The following USP8 variants were observed in gnomAD, a reference collection of about 807,000 sequenced individuals.
USP8 encodes ubiquitin specific peptidase 8, also known as ubiquitin carboxyl-terminal hydrolase 8.
In USP8, 27 loss-of-function variants were observed where a neutral mutation model predicts 130.0. The observed-to-expected ratio is 0.21, with a 90% CI of 0.15 to 0.29. The LOEUF (loss-of-function observed/expected upper bound fraction) is 0.29. USP8 is among the 10% of genes least tolerant of loss of function. The probability of loss-of-function intolerance (pLI) is 1.00; values close to 1 mark genes in which losing one functional copy is unlikely to be tolerated. For synonymous variants in USP8, 392 were observed against 444.1 expected (o/e 0.88, Z 1.48); for missense variants, 1,029 against 1,312.2 (o/e 0.78, Z 3.33).
chr15:50,458,394 G>T (rs1052838181), intron 4 of USP8: 2 of 152,808 alleles, frequency 1.3e-5, no homozygotes, highest in Non-Finnish European at 2.9e-5. Context: ...CACATGATCC[G>T]CCTGCCTTGG....
At chr15:50,487,013 A>T (rs1161634603) in intron 12 of USP8, among the ~76,000 whole-genome samples, 1 of 151,956 alleles carries the variant, frequency 6.6e-6, no homozygotes, top group Admixed American at 6.6e-5. Context: ...AGTCCCAGCT[A>T]CTTGGGAGGC....
chr15:50,494,775 G>A (rs940576125), intron 16 of USP8, among the ~76,000 whole-genome samples: 4 of 152,134 alleles, frequency 2.6e-5, no homozygotes, highest in East Asian at 3.9e-4. Flanking sequence ...AGTACTTTGG[G>A]AGGCCAAGGC....
intron 5 of USP8, among the ~76,000 whole-genome samples, chr15:50,459,660 A>G (rs2050916591): frequency 6.6e-6 from 1 of 152,214 alleles, no homozygotes; most frequent in East Asian, 1.9e-4. Context: ...TTTCTATGGC[A>G]ATATTTTCTC....
At chr15:50,446,919 C>T (rs1567608032) in intron 3 of USP8, among the ~76,000 whole-genome samples, 1 of 152,196 alleles carries the variant, frequency 6.6e-6, no homozygotes. Flanking sequence ...GCGTGAGCCA[C>T]CTGGCCTGGC....
At chr15:50,461,141 C>T (rs942430041) in intron 5 of USP8, among the ~76,000 whole-genome samples, 3 of 152,058 alleles carry the variant, frequency 2.0e-5, no homozygotes, top group African/African-American at 4.8e-5. Flanking sequence ...TATAGGAATG[C>T]ACCACCACGC....
intron 1 of USP8, among the ~76,000 whole-genome samples, chr15:50,430,107 A>C (rs1329104301): frequency 6.6e-6 from 1 of 152,184 alleles, no homozygotes; most frequent in East Asian, 1.9e-4. Context: ...CAGAAACTTT[A>C]TTAAGAGTTG....
At chr15:50,440,964 G>C (rs919661764) in intron 2 of USP8, among the ~76,000 whole-genome samples, 4 of 150,792 alleles carry the variant, frequency 2.7e-5, no homozygotes, top group South Asian at 4.2e-4. Context: ...ATAGCCCATT[G>C]CACTCCAGCC....
rs1228254510 is a variant in USP8 at position 50,506,021 on chromosome 15, T to C, written c.*6933T>C. The stretch of plus-strand genomic sequence containing the variant: ...CAGAATTACAGTGTTCTAAGAGCTT[T>C]CCATTTCTTTGGGAGCAGAGTATAA... On this transcript the variant is annotated 3_prime_UTR_variant, in exon 20 of 20. Coordinates refer to ENST00000307179, the MANE Select transcript of USP8 (RefSeq NM_005154.5). 2 of 152,236 alleles carry C rather than the reference T, an allele frequency of 1.3e-5. No individual in the cohort carries two copies. The highest frequency in any genetic ancestry group is 2.4e-5 in the African/African-American group (1 of 41,460). The allele number at this position is 152,236 out of a possible 1,614,324, so 9.4% of individuals were successfully genotyped here.
At chr15:50,447,730 T>C (rs1456754434) in intron 3 of USP8, among the ~76,000 whole-genome samples, 4 of 145,388 alleles carry the variant, frequency 2.8e-5, no homozygotes, top group Non-Finnish European at 4.5e-5. Context: ...GCCTGGCTAA[T>C]TTTTGCATTT....
rs922548336 is a variant in USP8 at position 50,475,899 on chromosome 15, G to A, written c.850-950G>A. Among the ~76,000 whole-genome samples, 11 of 151,848 alleles carry A rather than the reference G, an allele frequency of 7.2e-5. 1 individual carries two copies. Among genetic ancestry groups the A allele is most frequent in the Admixed American group, 3.9e-4 (6 of 15,192 alleles). ...ATTACAGGCATGAGCCACCGTGCCC[G>A]ACCAATATATTTATATATATTTTTA... On this transcript the variant is annotated intron_variant, in intron 8 of 19. Coordinates refer to ENST00000307179, the MANE Select transcript of USP8 (RefSeq NM_005154.5).
intron 18 of USP8, chr15:50,498,336 G>C (rs1566894969): frequency 9.4e-6 from 3 of 319,586 alleles, no homozygotes; most frequent in Non-Finnish European, 1.7e-5. Context: ...GTTGTAGCTG[G>C]ACCAGAGTAT....
chr15:50,481,487 C>T lies in USP8; in HGVS notation c.1225C>T (p.Arg409Cys), dbSNP rs745776500. The T allele has an allele frequency of 4.4e-6, 7 of 1,581,890 alleles. No individual in the cohort carries two copies. In the East Asian group the frequency reaches 6.7e-5, roughly 15 times the overall value. Residue 409 changes from arginine to cysteine, a missense_variant, in exon 11 of 20, where the codon CGT becomes TGT. Arg to Cys is a radical substitution (Grantham distance 180). Transcript: ENST00000307179. Reference sequence around the variant, plus strand: ...TCTGGTTTTGTTGCTCTAGATTGATCGTACTAAAAAACCAGCAGTCAAATT... The same window carrying T: ...TCTGGTTTTGTTGCTCTAGATTGATTGTACTAAAAAACCAGCAGTCAAATT... ...PSIKNVPQID[R>C]TKKPAVKLPE... is the part of the protein sequence containing the mutation.
Position 50,426,263 on chromosome 15 carries a change from G to A in USP8, c.-66+1749G>A, listed in dbSNP as rs143533805. On this transcript the variant is annotated intron_variant, in intron 1 of 19. Coordinates refer to ENST00000307179, the MANE Select transcript of USP8 (RefSeq NM_005154.5). ...ATTACGAACTTTTCTCCATGAAAAT[G>A]CACTCATATTTATGGAAGTGAAAGG... Among the ~76,000 whole-genome samples the A allele has an allele frequency of 5.6e-4, 85 of 152,240 alleles. No individual in the cohort carries two copies. The East Asian group carries it at 0.012, about 21-fold the overall frequency.
At chr15:50,498,174 A>G (rs2052487562) in intron 18 of USP8, 1 of 155,682 alleles carries the variant, frequency 6.4e-6, no homozygotes, top group Non-Finnish European at 1.4e-5. Flanking sequence ...AATGAATGAC[A>G]TTATTTTAGT....
chr15:50,462,690 C>T (rs1370302266), intron 6 of USP8, among the ~76,000 whole-genome samples: 1 of 152,094 alleles, frequency 6.6e-6, no homozygotes, highest in Non-Finnish European at 1.5e-5. Context: ...TCCTCCTCTC[C>T]CTTTCCGCCT....
intron 4 of USP8, among the ~76,000 whole-genome samples, chr15:50,456,658 G>T (rs921523197): frequency 6.6e-6 from 1 of 152,150 alleles, no homozygotes; most frequent in Non-Finnish European, 1.5e-5. Context: ...GGCCGACGAG[G>T]GTGGATCACT....
At chr15:50,492,939 T>G (rs747661237) in intron 15 of USP8, 26 bp downstream of exon 15, 1 of 1,593,220 alleles carries the variant, frequency 6.3e-7, no homozygotes, top group South Asian at 1.1e-5. Context: ...ACTTTTTGCA[T>G]TATAATGCTA....
chr15:50,459,471 C>T lies in USP8; in HGVS notation c.498+309C>T, dbSNP rs545971607. Among the ~76,000 whole-genome samples, 25 of 152,124 alleles carry T rather than the reference C, an allele frequency of 1.6e-4. 1 individual carries two copies. The South Asian group carries it at 5.2e-3, about 32-fold the overall frequency. Reference sequence around the variant, plus strand: ...TGGTGGTGCATGCCTGTAGTCCCAGCTACTCGAGAGGCTAAAGTAGGAGAA... The same window carrying T: ...TGGTGGTGCATGCCTGTAGTCCCAGTTACTCGAGAGGCTAAAGTAGGAGAA... On this transcript the variant is annotated intron_variant, in intron 5 of 19. Coordinates refer to ENST00000307179, the MANE Select transcript of USP8 (RefSeq NM_005154.5).
chr15:50,471,656 C>T lies in USP8; in HGVS notation c.710C>T (p.Ala237Val). The stretch of plus-strand genomic sequence containing the variant: ...AGAGTCACTGCTAGTTGGATTGAAG[C>T]ACACCTGCCAGATGATTCTAAAGAC... ...SPGVTASWIE[A>V]HLPDDSKDTW... is the part of the protein sequence containing the mutation. The change falls in exon 8 of 20, where the codon GCA (alanine) becomes GTA (valine). Residue 237 changes from alanine to valine, a missense_variant. This residue lies in a region of USP8 where 281 missense variants were observed against 336.7 expected (regional missense o/e 0.83). Coordinates refer to ENST00000307179, the MANE Select transcript of USP8 (RefSeq NM_005154.5). 1 of 1,613,068 alleles carries T rather than the reference C, an allele frequency of 6.2e-7. No homozygotes were observed. The highest frequency in any genetic ancestry group is 8.5e-7 in the Non-Finnish European group (1 of 1,179,852).
Sources: gnomAD v4.1 joint callset for allele counts (sites outside exome capture counted in the v4.1 genomes callset) on GRCh38, gnomAD v4.1.1 for gene constraint, gnomAD v4.1.1 regional missense constraint, MANE v1.5 for transcripts, NCBI Gene and HGNC (gene_info 2026-07-23, HGNC 2026-07-21) for gene names.